Variants in MTOR observed in about 807,000 individuals in gnomAD.
MTOR encodes the protein serine/threonine-protein kinase mTOR.
MTOR carries 70 observed loss-of-function variants against 319.8 expected under a neutral mutation model. The ratio of observed to expected loss-of-function variants is 0.22; its 90% CI spans 0.18 to 0.27. The LOEUF (loss-of-function observed/expected upper bound fraction) is 0.27, where lower values mean the gene tolerates loss of function less well. Ranked by LOEUF, MTOR falls within the 10% of genes least tolerant of loss-of-function variation. The pLI, the probability that MTOR is intolerant of heterozygous loss-of-function variation, is 1.00. For missense variants in MTOR, 1,890 were observed against 3,274.4 expected (o/e 0.58, Z 10.32); for synonymous variants, 1,183 against 1,211.4 (o/e 0.98, Z 0.49).
At chr1:11,176,610 C>T (rs1264022654) in intron 28 of MTOR, among the ~76,000 whole-genome samples, 1 of 152,212 alleles carries the variant, frequency 6.6e-6, no homozygotes, top group African/African-American at 2.4e-5. Context: ...GTGACACATG[C>T]ATCACAGCTG....
intron 8 of MTOR, among the ~76,000 whole-genome samples, chr1:11,247,086 T>C (rs1648943528): frequency 6.6e-6 from 1 of 152,140 alleles, no homozygotes; most frequent in Non-Finnish European, 1.5e-5. Flanking sequence ...TCATCTCAGG[T>C]CTGATGCCAA....
At chr1:11,176,558 C>A (rs189676654) in intron 28 of MTOR, among the ~76,000 whole-genome samples, 2 of 152,258 alleles carry the variant, frequency 1.3e-5, no homozygotes, top group East Asian at 3.9e-4. Context: ...ATTTGGTTCC[C>A]TGTCAAGTGA....
chr1:11,185,896 A>G (rs1334240562), intron 28 of MTOR, among the ~76,000 whole-genome samples: 1 of 152,022 alleles, frequency 6.6e-6, no homozygotes, highest in African/African-American at 2.4e-5. Context: ...CCTGGCTAAC[A>G]TGGTGAAACC....
At chr1:11,194,215 G>T (rs1453744971) in intron 28 of MTOR, among the ~76,000 whole-genome samples, 1 of 152,210 alleles carries the variant, frequency 6.6e-6, no homozygotes, top group African/African-American at 2.4e-5. Context: ...TTATAAGCAG[G>T]AAAGTGAGGA....
rs536043857 is a variant in MTOR, at chr1:11,154,682, A to G, written c.4469+2470T>C. 2.0e-5 allele frequency among the ~76,000 whole-genome samples: 3 copies of G among 152,192 alleles called. No homozygotes were observed. In the Middle Eastern group the frequency reaches 0.01, roughly 518 times the overall value. On this transcript the variant is annotated intron_variant, in intron 30 of 57. Transcript: ENST00000361445. ...AACATAATGAGACCCTATCCCTACA[A>G]AAAATAATTTAAAAAAATTAGCCAG...
At chr1:11,188,593 G>A (rs990386043) in intron 28 of MTOR, among the ~76,000 whole-genome samples, 2 of 152,146 alleles carry the variant, frequency 1.3e-5, no homozygotes, top group Non-Finnish European at 2.9e-5. Flanking sequence ...GACATGCTTG[G>A]CACTGCTGAG....
rs780451182 is a variant in MTOR, at chr1:11,216,157, G to T, written c.3108C>A (p.Thr1036=). The T allele has an allele frequency of 4.4e-6, 7 of 1,608,520 alleles. No individual in the cohort carries two copies. Among genetic ancestry groups the T allele is most frequent in the Non-Finnish European group, 6.0e-6 (7 of 1,175,012 alleles). The change falls in exon 20 of 58, where the codon ACC becomes ACA. Residue 1036 remains threonine (T), a synonymous_variant. Coordinates refer to ENST00000361445, the MANE Select transcript of MTOR (RefSeq NM_004958.4). ...HIRPYMDEIV[T]LMREFWVMNT... ...ATTAACTTCTACTCACTCTCATGAGGGTGACTATTTCATCCATATAAGGTC... is the reference window on the plus strand; with the variant it reads ...ATTAACTTCTACTCACTCTCATGAGTGTGACTATTTCATCCATATAAGGTC...
chr1:11,248,708 G>A (rs1012406099), intron 6 of MTOR, among the ~76,000 whole-genome samples: 1 of 152,016 alleles, frequency 6.6e-6, no homozygotes, highest in Non-Finnish European at 1.5e-5. Context: ...GGCTACTTGG[G>A]GGCTGAGGCA....
intron 6 of MTOR, among the ~76,000 whole-genome samples, chr1:11,252,757 C>T (rs1162360943): frequency 6.6e-6 from 1 of 152,184 alleles, no homozygotes; most frequent in African/African-American, 2.4e-5. Flanking sequence ...TCATTTTCTA[C>T]AGCCAGTCTC....
chr1:11,212,694 T>C lies in MTOR; in HGVS notation c.3398+102A>G. The C allele has an allele frequency of 8.4e-7, 1 of 1,196,636 alleles. No individual in the cohort carries two copies. The highest frequency in any genetic ancestry group is 1.2e-6 in the Non-Finnish European group (1 of 828,962). The allele number at this position is 1,196,636 out of a possible 1,614,324, so 74.1% of individuals were successfully genotyped here. ...TAGACTAAAATAATGTGAGTTGAAA[T>C]AACAAAAAAAATAGAAAGATGGCCT... On this transcript the variant is annotated intron_variant, in intron 22 of 57. Transcript: ENST00000361445. This position sits in a 1 kb window ranked among gnomAD's most constrained non-coding sequence, Gnocchi z 4.1.
At chr1:11,208,447 A>G (rs1472169714) in intron 25 of MTOR, among the ~76,000 whole-genome samples, 1 of 152,246 alleles carries the variant, frequency 6.6e-6, no homozygotes, top group Non-Finnish European at 1.5e-5. Context: ...GGTTTTTCCA[A>G]AAGAAGTGAA....
chr1:11,128,681 G>T lies in MTOR; in HGVS notation c.5812-129C>A. The T allele has an allele frequency of 1.8e-6, 2 of 1,092,396 alleles. No individual in the cohort carries two copies. Among genetic ancestry groups the T allele is most frequent in the Non-Finnish European group, 2.7e-6 (2 of 747,838 alleles). 67.7% of individuals were successfully genotyped at this position (1,092,396 alleles called of 1,614,324 possible). Reference sequence around the variant, plus strand: ...GAAATGGTTCATTCCCTTCCCTTTAGTTTCTAAAAGAAAATAAAGAAAATA... The same window carrying T: ...GAAATGGTTCATTCCCTTCCCTTTATTTTCTAAAAGAAAATAAAGAAAATA... On this transcript the variant is annotated intron_variant, in intron 41 of 57. Transcript: ENST00000361445. This position sits in a 1 kb window ranked among gnomAD's most constrained non-coding sequence, Gnocchi z 5.3.
chr1:11,237,910 G>T lies in MTOR; in HGVS notation c.2141C>A (p.Thr714Asn). 6.2e-7 allele frequency: 1 copy of T among 1,614,184 alleles called. No homozygotes were observed. The highest frequency in any genetic ancestry group is 1.7e-5 in the Admixed American group (1 of 60,020). ...GTTCATGCTACTGAGTCGGCCCACA[G>T]TGCAGATGGCCAGCTCCCGGATCTC... ...VFEIRELAIC[T>N]VGRLSSMNPA... is the part of the protein sequence containing the mutation. Residue 714 changes from threonine to asparagine, a missense_variant, in exon 13 of 58, where the codon ACT (threonine) becomes AAT (asparagine). Around this residue, in one of 15 missense-constraint regions of MTOR, gnomAD observed 377 missense variants for 653.9 expected, o/e 0.58. Coordinates refer to ENST00000361445, the MANE Select transcript of MTOR (RefSeq NM_004958.4).
chr1:11,201,259 A>C (rs1434775260), intron 26 of MTOR, among the ~76,000 whole-genome samples: 1 of 152,200 alleles, frequency 6.6e-6, no homozygotes, highest in Non-Finnish European at 1.5e-5. Context: ...CATTGTGTAT[A>C]TCACAAGCCT....
At chr1:11,107,569 T>G in intron 57 of MTOR, 69 bp from the exon 58 acceptor site, 2 of 1,561,452 alleles carry the variant, frequency 1.3e-6, no homozygotes, top group Non-Finnish European at 1.7e-6. Context: ...ACAGATAACT[T>G]GAAAATGAAA....
At position 11,150,192 on chromosome 1, in the gene MTOR, T is replaced by C. The variant is rs748220176; in HGVS notation, c.4504A>G (p.Thr1502Ala). The stretch of plus-strand genomic sequence containing the variant: ...GCTTGGGTCTCATCATTAACCAGGG[T>C]CCACTTTTCACAGCACTGCTGGTGG... ...QLHQQCCEKW[T>A]LVNDETQAKM... The change falls in exon 31 of 58, where the codon ACC (threonine) becomes GCC (alanine). Residue 1502 changes from threonine (T) to alanine (A), a missense_variant. By Grantham distance (58) the Thr-to-Ala change is moderately conservative. This residue lies in a region of MTOR where 276 missense variants were observed against 459.4 expected (regional missense o/e 0.60). Transcript: ENST00000361445. 1 of 1,614,014 alleles carries C rather than the reference T, an allele frequency of 6.2e-7. No homozygotes were observed. Among genetic ancestry groups the C allele is most frequent in the Non-Finnish European group, 8.5e-7 (1 of 1,179,986 alleles).
Position 11,133,342 on chromosome 1 carries a change from T to C in MTOR, c.5247-145A>G. On this transcript the variant is annotated intron_variant, in intron 37 of 57. Coordinates refer to ENST00000361445, the MANE Select transcript of MTOR (RefSeq NM_004958.4). This position sits in a 1 kb window ranked among gnomAD's most constrained non-coding sequence, Gnocchi z 4.0. ...CAATGTGAAGGAGCTAGCAAAATTTTCAGCCACACGCAAGAAAGGAGATGG... is the reference window on the plus strand; with the variant it reads ...CAATGTGAAGGAGCTAGCAAAATTTCCAGCCACACGCAAGAAAGGAGATGG... The C allele has an allele frequency of 1.5e-6, 1 of 680,380 alleles. No homozygotes were observed. Among genetic ancestry groups the C allele is most frequent in the South Asian group, 1.8e-5 (1 of 55,632 alleles). 42.1% of individuals were successfully genotyped at this position (680,380 alleles called of 1,614,324 possible). A position where few individuals can be genotyped will look rare whatever the true frequency, so the allele number is the denominator to read the frequency against.
Position 11,233,490 on chromosome 1 carries a change from A to G in MTOR, c.2332-3T>C, listed in dbSNP as rs1266570026. The G allele has an allele frequency of 6.2e-6, 10 of 1,611,762 alleles. No homozygotes were observed. Among genetic ancestry groups the G allele is most frequent in the Non-Finnish European group, 8.5e-6 (10 of 1,177,990 alleles). On this transcript the variant is annotated splice_region_variant and splice_polypyrimidine_tract_variant and intron_variant, in intron 14 of 57. Transcript: ENST00000361445. ...TCTTTCAGTTTCAAAATTAATGCCT[A>G]GAGAAAGAAGTTATGAGAAAATGAA...
intron 15 of MTOR, 23 bp downstream of exon 15, chr1:11,233,375 G>A (rs772098575): frequency 1.2e-6 from 2 of 1,604,328 alleles, no homozygotes; most frequent in Non-Finnish European, 1.7e-6. Context: ...TCTCCGCTAT[G>A]GAAAAAGTAG....
Sources: gnomAD v4.1 joint callset for allele counts (sites outside exome capture counted in the v4.1 genomes callset) on GRCh38, gnomAD v4.1.1 for gene constraint, gnomAD v4.1.1 regional missense constraint, Gnocchi (gnomAD v3.1) non-coding constraint, MANE v1.5 for transcripts, NCBI Gene and HGNC (gene_info 2026-07-23, HGNC 2026-07-21) for gene names.